FARS2: variants seen among roughly 807,000 people sequenced by gnomAD.
FARS2 encodes the protein phenylalanine--tRNA ligase, mitochondrial.
A neutral mutation model predicts 46.4 loss-of-function variants in FARS2; 40 were observed. That is an observed-to-expected ratio of 0.86 (90% CI 0.67 to 1.12). FARS2 has a LOEUF of 1.12. FARS2 is among the 50% of genes most tolerant of loss of function. FARS2 has a pLI of 0.00. For synonymous variants in FARS2, 234 were observed against 214.9 expected (o/e 1.09, Z -0.78); for missense variants, 513 against 567.9 (o/e 0.90, Z 0.98).
intron 4 of FARS2, among the ~76,000 whole-genome samples, chr6:5,467,711 A>C (rs184779561): frequency 2.0e-5 from 3 of 152,282 alleles, no homozygotes; most frequent in Admixed American, 1.3e-4. Flanking sequence ...TATCATCATT[A>C]CTGTTCTTAT....
intron 6 of FARS2, among the ~76,000 whole-genome samples, chr6:5,757,507 T>C (rs1468282539): frequency 6.6e-6 from 1 of 152,204 alleles, no homozygotes; most frequent in African/African-American, 2.4e-5. Context: ...CAAGCAAAAT[T>C]ACTTTTTCGC....
intron 5 of FARS2, among the ~76,000 whole-genome samples, chr6:5,582,534 G>A (rs1242203289): frequency 6.6e-6 from 1 of 152,140 alleles, no homozygotes; most frequent in Non-Finnish European, 1.5e-5. Context: ...TCTGTCCTAC[G>A]GTACACAACT....
chr6:5,341,217 ATATATATATATATATATATT>A (rs1417459692), intron 1 of FARS2, among the ~76,000 whole-genome samples: 96 of 5,984 alleles, frequency 0.016, 6 homozygotes, highest in African/African-American at 0.044. Flanking sequence ...ATATATATAT[ATATATATATATATATATATT>A]TTTTTTTTTT....
At chr6:5,707,617 T>C (rs1014918816) in intron 6 of FARS2, among the ~76,000 whole-genome samples, 5 of 152,194 alleles carry the variant, frequency 3.3e-5, no homozygotes, top group African/African-American at 1.2e-4. Context: ...AACACTAGTA[T>C]CCTTGTGAGT....
At chr6:5,451,976 C>T (rs1461121348) in intron 4 of FARS2, 1 of 152,210 alleles carries the variant, frequency 6.6e-6, no homozygotes, top group Non-Finnish European at 1.5e-5. Context: ...TATAGTTACA[C>T]GATAGTTAAC....
intron 2 of FARS2, among the ~76,000 whole-genome samples, chr6:5,388,870 T>G (rs1760307199): frequency 6.6e-6 from 1 of 152,170 alleles, no homozygotes; most frequent in Non-Finnish European, 1.5e-5. Flanking sequence ...TGCTCTCTGG[T>G]ATCTGCTTCT....
At chr6:5,386,573 C>G (rs916948076) in intron 2 of FARS2, among the ~76,000 whole-genome samples, 3 of 152,018 alleles carry the variant, frequency 2.0e-5, no homozygotes, top group South Asian at 2.1e-4. Context: ...AGAACCAGTG[C>G]AGGCTAAGCC....
intron 4 of FARS2, among the ~76,000 whole-genome samples, chr6:5,477,881 G>A (rs534741660): frequency 3.0e-4 from 46 of 152,050 alleles, no homozygotes; most frequent in Non-Finnish European, 4.6e-4. Flanking sequence ...TGAGCTGGGC[G>A]TGGTGGTGTG....
At chr6:5,577,018 C>A in intron 5 of FARS2, among the ~76,000 whole-genome samples, 1 of 151,962 alleles carries the variant, frequency 6.6e-6, no homozygotes. Context: ...TATATAAAAA[C>A]CCATGGAAAT....
intron 5 of FARS2, among the ~76,000 whole-genome samples, chr6:5,579,271 G>GT (rs1374513888): frequency 2.0e-5 from 3 of 151,640 alleles, no homozygotes; most frequent in East Asian, 1.9e-4. Flanking sequence ...GAAGTTTTTT[G>GT]TTTTTTTTAG....
intron 4 of FARS2, among the ~76,000 whole-genome samples, chr6:5,435,262 A>C (rs1210109713): frequency 6.6e-6 from 1 of 152,262 alleles, no homozygotes; most frequent in Non-Finnish European, 1.5e-5. Flanking sequence ...ACAAATACAT[A>C]GCAAACAAAA....
At chr6:5,454,192 C>T (rs1764682374) in intron 4 of FARS2, among the ~76,000 whole-genome samples, 1 of 95,850 alleles carries the variant, frequency 1.0e-5, no homozygotes. Flanking sequence ...CTAAGTTCTC[C>T]CTCCATTTTT....
chr6:5,662,980 T>C (rs897651056), intron 6 of FARS2, among the ~76,000 whole-genome samples: 1 of 152,236 alleles, frequency 6.6e-6, no homozygotes, highest in Non-Finnish European at 1.5e-5. Context: ...TATGATAGCA[T>C]CTTGGATGCA....
At chr6:5,525,255 T>TTTTTTTTTTTTTTTTTTTTTTTTTTTGAG (rs1769388203) in intron 4 of FARS2, among the ~76,000 whole-genome samples, 1 of 151,202 alleles carries the variant, frequency 6.6e-6, no homozygotes, top group Non-Finnish European at 1.5e-5. Context: ...GGTGTATTTT[T>TTTTTTTTTTTTTTTTTTTTTTTTTTTGAG]AATATTATTA....
chr6:5,306,527 A>G (rs1034057319), intron 1 of FARS2, among the ~76,000 whole-genome samples: 1 of 152,146 alleles, frequency 6.6e-6, no homozygotes, highest in African/African-American at 2.4e-5. Context: ...ATTTATGAGT[A>G]TTTACATTTC....
chr6:5,318,539 TG>T (rs1399845433), intron 1 of FARS2, among the ~76,000 whole-genome samples: 1 of 152,146 alleles, frequency 6.6e-6, no homozygotes, highest in African/African-American at 2.4e-5. Context: ...TGAGGGTAGT[TG>T]TCCAGATTCT....
chr6:5,488,641 A>AAG (rs1561657202), intron 4 of FARS2, among the ~76,000 whole-genome samples: 2 of 151,884 alleles, frequency 1.3e-5, no homozygotes, highest in African/African-American at 4.8e-5. Flanking sequence ...ATGGAGCATA[A>AAG]GAGTTTAGTT....
intron 1 of FARS2, among the ~76,000 whole-genome samples, chr6:5,313,910 C>T (rs1208204943): frequency 6.6e-6 from 1 of 152,072 alleles, no homozygotes; most frequent in Non-Finnish European, 1.5e-5. Context: ...TCCCTACCTT[C>T]TGTGCCCCAG....
At chr6:5,431,798 C>T (rs1763184861) in intron 4 of FARS2, 1 of 443,666 alleles carries the variant, frequency 2.3e-6, no homozygotes, top group Admixed American at 2.5e-5. Context: ...AAAATGATGG[C>T]TTCTAAATGT....
Sources: gnomAD v4.1 joint callset for allele counts (sites outside exome capture counted in the v4.1 genomes callset) on GRCh38, gnomAD v4.1.1 for gene constraint, MANE v1.5 for transcripts, NCBI Gene and HGNC (gene_info 2026-07-23, HGNC 2026-07-21) for gene names.